Variants in PTPRO observed in about 807,000 individuals in gnomAD.
PTPRO encodes receptor-type tyrosine-protein phosphatase O.
In PTPRO, 62 loss-of-function variants were observed where a neutral mutation model predicts 145.2. The ratio of observed to expected loss-of-function variants is 0.43; its 90% CI spans 0.35 to 0.53. The LOEUF (loss-of-function observed/expected upper bound fraction) is 0.53, where lower values mean the gene tolerates loss of function less well. Ranked by LOEUF, PTPRO falls within the 20% of genes least tolerant of loss-of-function variation. The probability of loss-of-function intolerance (pLI) is 0.01; values close to 1 mark genes in which losing one functional copy is unlikely to be tolerated. For synonymous variants in PTPRO, 565 were observed against 514.7 expected (o/e 1.10, Z -1.32); for missense variants, 1,345 against 1,482.7 (o/e 0.91, Z 1.53).
intron 25 of PTPRO, among the ~76,000 whole-genome samples, chr12:15,591,440 G>A (rs1316368272): frequency 2.6e-5 from 4 of 152,016 alleles, no homozygotes; most frequent in African/African-American, 9.7e-5. Flanking sequence ...TCCAACTACA[G>A]ATTCTTAATC....
At chr12:15,337,721 A>T (rs1866813595) in intron 1 of PTPRO, among the ~76,000 whole-genome samples, 1 of 152,240 alleles carries the variant, frequency 6.6e-6, no homozygotes. Flanking sequence ...ATACCATATA[A>T]TATTATTCAG....
intron 25 of PTPRO, among the ~76,000 whole-genome samples, 190 bp from the exon 26 acceptor site, chr12:15,594,747 A>G (rs1461980819): frequency 6.6e-6 from 1 of 152,104 alleles, no homozygotes; most frequent in Non-Finnish European, 1.5e-5. Context: ...TGATGTTCTA[A>G]GCTCTGTTAT....
At chr12:15,327,120 A>G (rs1306074527) in intron 1 of PTPRO, among the ~76,000 whole-genome samples, 1 of 152,238 alleles carries the variant, frequency 6.6e-6, no homozygotes, top group Non-Finnish European at 1.5e-5. Flanking sequence ...GAAAATTATC[A>G]TTATGGGAGT....
At chr12:15,556,488 T>C (rs1943629405) in intron 15 of PTPRO, among the ~76,000 whole-genome samples, 1 of 152,108 alleles carries the variant, frequency 6.6e-6, no homozygotes, top group African/African-American at 2.4e-5. Flanking sequence ...GAGAATATGT[T>C]TACTTTTTCT....
intron 1 of PTPRO, among the ~76,000 whole-genome samples, chr12:15,469,863 T>A (rs1212460968): frequency 6.6e-6 from 1 of 152,116 alleles, no homozygotes; most frequent in East Asian, 1.9e-4. Flanking sequence ...AAACATTAGT[T>A]ACTGTTTTTG....
intron 1 of PTPRO, among the ~76,000 whole-genome samples, chr12:15,341,989 TA>T (rs1386009481): frequency 6.6e-6 from 1 of 152,216 alleles, no homozygotes. Context: ...TTTAAATACA[TA>T]TTATCTTATT....
intron 2 of PTPRO, among the ~76,000 whole-genome samples, chr12:15,496,142 G>GTTTTTTTTTT (rs71042255): frequency 4.0e-5 from 3 of 75,364 alleles, no homozygotes; most frequent in Admixed American, 1.9e-4. Context: ...TTCTTTTTTT[G>GTTTTTTTTTT]TTTTTTTTTT....
chr12:15,570,955 C>T (rs1425722577), intron 19 of PTPRO, among the ~76,000 whole-genome samples: 3 of 152,142 alleles, frequency 2.0e-5, no homozygotes, highest in African/African-American at 7.2e-5. Flanking sequence ...TTCAACAAGT[C>T]ATTTTCCAGT....
At chr12:15,461,953 G>A (rs1487228709) in intron 1 of PTPRO, among the ~76,000 whole-genome samples, 1 of 152,038 alleles carries the variant, frequency 6.6e-6, no homozygotes, top group Non-Finnish European at 1.5e-5. Flanking sequence ...GTTCCCAAAA[G>A]AAAAGCTGAC....
intron 1 of PTPRO, among the ~76,000 whole-genome samples, chr12:15,366,463 T>C (rs900406599): frequency 1.3e-5 from 2 of 152,206 alleles, no homozygotes; most frequent in Admixed American, 6.5e-5. Flanking sequence ...TTTTGATTGC[T>C]TGTTGAAAAG....
In PTPRO at chr12:15,437,698, G is replaced by A. The variant is rs1270023651; in HGVS notation, c.76-46276G>A. On this transcript the variant is annotated intron_variant, in intron 1 of 26. Coordinates refer to ENST00000281171, the MANE Select transcript of PTPRO (RefSeq NM_030667.3). Reference sequence around the variant, plus strand: ...TGCTCCACACCCAGGAAGATCTGCAGGCATCTGAAGCACCCACTCTCCTGG... The same window carrying A: ...TGCTCCACACCCAGGAAGATCTGCAAGCATCTGAAGCACCCACTCTCCTGG... Among the ~76,000 whole-genome samples, 4 of 152,290 alleles carry A rather than the reference G, an allele frequency of 2.6e-5. No homozygotes were observed. In the East Asian group the frequency reaches 5.8e-4, roughly 22 times the overall value.
intron 4 of PTPRO, among the ~76,000 whole-genome samples, chr12:15,500,772 A>G (rs1479859289): frequency 2.0e-5 from 3 of 152,100 alleles, no homozygotes; most frequent in African/African-American, 7.2e-5. Context: ...GAATACAAAT[A>G]TTAGCTGGGC....
intron 14 of PTPRO, among the ~76,000 whole-genome samples, chr12:15,549,775 A>G (rs1943403879): frequency 6.6e-6 from 1 of 152,160 alleles, no homozygotes. Context: ...TTAGAGTCTG[A>G]TTCTGCAACC....
At chr12:15,494,600 C>T (rs924345331) in intron 2 of PTPRO, among the ~76,000 whole-genome samples, 1 of 152,094 alleles carries the variant, frequency 6.6e-6, no homozygotes, top group African/African-American at 2.4e-5. Context: ...GTCATTTACA[C>T]TGAAGCTGAG....
intron 1 of PTPRO, among the ~76,000 whole-genome samples, chr12:15,397,707 C>T (rs999129838): frequency 2.6e-5 from 4 of 152,096 alleles, no homozygotes; most frequent in Non-Finnish European, 5.9e-5. Context: ...ATTTTAGGGG[C>T]TAGGAAGAAA....
At chr12:15,421,595 T>C (rs1002385974) in intron 1 of PTPRO, among the ~76,000 whole-genome samples, 4 of 152,204 alleles carry the variant, frequency 2.6e-5, no homozygotes, top group Non-Finnish European at 5.9e-5. Flanking sequence ...TTTACTTCAT[T>C]GACTGGTCAG....
chr12:15,369,401 G>A (rs1938456548), intron 1 of PTPRO, among the ~76,000 whole-genome samples: 1 of 152,154 alleles, frequency 6.6e-6, no homozygotes, highest in Non-Finnish European at 1.5e-5. Context: ...ACAGAGCTCA[G>A]TCTGAACCTA....
rs528509923 is a variant in PTPRO, at chr12:15,451,813, A to G, written c.76-32161A>G. On this transcript the variant is annotated intron_variant, in intron 1 of 26. Transcript: ENST00000281171. ...TGAACTGAACAATAATAGTGACACAACCTATGAAAACCTCTGGGGTACAGC... is the reference window on the plus strand; with the variant it reads ...TGAACTGAACAATAATAGTGACACAGCCTATGAAAACCTCTGGGGTACAGC... Among the ~76,000 whole-genome samples, 338 of 152,278 alleles carry G rather than the reference A, an allele frequency of 2.2e-3. 1 individual carries two copies. Among genetic ancestry groups the G allele is most frequent in the African/African-American group, 8.0e-3 (332 of 41,560 alleles).
At chr12:15,589,809 A>G (rs1944509034) in intron 25 of PTPRO, among the ~76,000 whole-genome samples, 1 of 152,218 alleles carries the variant, frequency 6.6e-6, no homozygotes. Context: ...TATTGGCATC[A>G]TAATTCAGAG....
Sources: allele counts gnomAD v4.1 joint callset (sites outside exome capture counted in the v4.1 genomes callset), GRCh38; gene constraint gnomAD v4.1.1; transcripts MANE v1.5; gene names NCBI Gene and HGNC (gene_info 2026-07-23, HGNC 2026-07-21).